Variants in SH3PXD2A observed in about 807,000 individuals in gnomAD.
SH3PXD2A encodes the protein SH3 and PX domain-containing protein 2A.
SH3PXD2A carries 32 observed loss-of-function variants against 115.2 expected under a neutral mutation model. The ratio of observed to expected loss-of-function variants is 0.28; its 90% CI spans 0.21 to 0.37. The LOEUF (loss-of-function observed/expected upper bound fraction) is 0.37, where lower values mean the gene tolerates loss of function less well. Ranked by LOEUF, SH3PXD2A falls within the 10% of genes least tolerant of loss-of-function variation. The probability of loss-of-function intolerance (pLI) is 1.00; values close to 1 mark genes in which losing one functional copy is unlikely to be tolerated. For missense variants in SH3PXD2A, 1,328 were observed against 1,498.7 expected, an observed-to-expected ratio of 0.89 and a Z score of 1.88; for synonymous variants, 610 against 629.1, an observed-to-expected ratio of 0.97 and a Z score of 0.45.
intron 10 of SH3PXD2A, among the ~76,000 whole-genome samples, chr10:103,618,596 T>G (rs961218616): frequency 6.6e-6 from 1 of 152,144 alleles, no homozygotes; most frequent in Non-Finnish European, 1.5e-5. Flanking sequence ...GCGTGGGTGC[T>G]CCCCAGGGGC....
intron 3 of SH3PXD2A, among the ~76,000 whole-genome samples, chr10:103,750,647 G>A (rs1053361732): frequency 6.6e-6 from 1 of 152,150 alleles, no homozygotes; most frequent in Non-Finnish European, 1.5e-5. Flanking sequence ...ACCTGGGGAG[G>A]CTCAGAGAGC....
chr10:103,625,148 C>T (rs566399252), intron 9 of SH3PXD2A, among the ~76,000 whole-genome samples: 12 of 152,360 alleles, frequency 7.9e-5, no homozygotes, highest in African/African-American at 2.2e-4. Flanking sequence ...TTGTTCTGTG[C>T]GCAAAGCACC....
chr10:103,662,259 G>C (rs2037316971), intron 7 of SH3PXD2A, among the ~76,000 whole-genome samples: 1 of 137,984 alleles, frequency 7.2e-6, no homozygotes, highest in Non-Finnish European at 1.5e-5. Context: ...GACAGGCTGG[G>C]TGCCCTTTTA....
chr10:103,785,402 G>A (rs561935154), intron 2 of SH3PXD2A, among the ~76,000 whole-genome samples: 24 of 152,088 alleles, frequency 1.6e-4, no homozygotes, highest in Non-Finnish European at 2.9e-4. Context: ...CCTGCCCTCC[G>A]TGCCCCTAAC....
intron 5 of SH3PXD2A, among the ~76,000 whole-genome samples, chr10:103,719,472 G>A (rs1369448967): frequency 6.6e-6 from 1 of 152,222 alleles, no homozygotes; most frequent in African/African-American, 2.4e-5. Flanking sequence ...TAAGACCATA[G>A]TGAGGGCTGA....
chr10:103,608,430 G>GAAAAAAAA (rs953168200), intron 13 of SH3PXD2A, among the ~76,000 whole-genome samples: 52 of 85,128 alleles, frequency 6.1e-4, no homozygotes, highest in Non-Finnish European at 9.8e-4. Context: ...TCCATGTCAA[G>GAAAAAAAA]AAAAAAAAAA....
chr10:103,813,828 G>A (rs1161099358), intron 1 of SH3PXD2A, among the ~76,000 whole-genome samples: 1 of 152,026 alleles, frequency 6.6e-6, no homozygotes, highest in Non-Finnish European at 1.5e-5. Flanking sequence ...AACCCTGGCT[G>A]TACATTACAA....
chr10:103,769,917 T>C (rs2038801010), intron 2 of SH3PXD2A, among the ~76,000 whole-genome samples: 1 of 152,224 alleles, frequency 6.6e-6, no homozygotes, highest in Admixed American at 6.5e-5. Flanking sequence ...TTAGGACTCC[T>C]ATTTTCTCCT....
At position 103,701,189 on chromosome 10, in the gene SH3PXD2A, A is replaced by G. The variant is rs1179545848; in HGVS notation, c.399-8133T>C. 3.8e-4 allele frequency among the ~76,000 whole-genome samples: 55 copies of G among 144,336 alleles called. 3 individuals are homozygous for G. The highest frequency in any genetic ancestry group is 1.4e-3 in the African/African-American group (52 of 37,578). The allele number at this position is 144,336 out of a possible 152,430, so 94.7% of individuals were successfully genotyped here. On this transcript the variant is annotated intron_variant, in intron 5 of 14. Transcript: ENST00000369774. ...CCATCCATCCATCCACCATCCATCCATCCATCCATCATCCATTTACCATCT... is the reference window on the plus strand; with the variant it reads ...CCATCCATCCATCCACCATCCATCCGTCCATCCATCATCCATTTACCATCT...
chr10:103,723,922 G>A (rs953593513), intron 5 of SH3PXD2A, among the ~76,000 whole-genome samples: 1 of 152,170 alleles, frequency 6.6e-6, no homozygotes, highest in Non-Finnish European at 1.5e-5. Context: ...AGCAAGGACT[G>A]TGCTAGCCCT....
chr10:103,823,435 G>A (rs2039400297), intron 1 of SH3PXD2A, among the ~76,000 whole-genome samples: 2 of 152,170 alleles, frequency 1.3e-5, no homozygotes, highest in African/African-American at 2.4e-5. Context: ...CATTATTCTG[G>A]CTGGCCTCAT....
intron 8 of SH3PXD2A, among the ~76,000 whole-genome samples, chr10:103,655,171 T>A (rs913377440): frequency 1.3e-5 from 2 of 152,200 alleles, no homozygotes; most frequent in Non-Finnish European, 2.9e-5. Context: ...GCACAAGGCT[T>A]TCTGATGGCT....
At chr10:103,851,831 C>T (rs1358358569) in intron 1 of SH3PXD2A, among the ~76,000 whole-genome samples, 1 of 152,134 alleles carries the variant, frequency 6.6e-6, no homozygotes, top group African/African-American at 2.4e-5. Context: ...AATAAACAAT[C>T]AGGAAATAAA....
chr10:103,825,630 CA>C (rs1357878260), intron 1 of SH3PXD2A, among the ~76,000 whole-genome samples: 2 of 152,148 alleles, frequency 1.3e-5, no homozygotes, highest in Non-Finnish European at 2.9e-5. Context: ...CATTCCAGGT[CA>C]GAGACAGAGC....
rs370598379 is a variant in SH3PXD2A, at chr10:103,611,598, G to A, written c.1291C>T (p.Arg431Cys). ...ACACATACCAGGCTGGATTCTCTGC[G>A]TGGTGGAGGTCTTGTCCGTAGGTTC... The part of the protein sequence containing the change: ...SPNLRTRPPP[R>C]RESSLGFQLP... The change falls in exon 13 of 15, where the codon CGC becomes TGC. Residue 431 changes from arginine (R) to cysteine (C), a missense_variant. Arg to Cys is a radical substitution (Grantham distance 180, BLOSUM62 -3). Coordinates refer to ENST00000369774, the MANE Select transcript of SH3PXD2A (RefSeq NM_001394015.1). The A allele has an allele frequency of 2.4e-5, 39 of 1,614,060 alleles. No homozygotes were observed. Among genetic ancestry groups the A allele is most frequent in the Admixed American group, 1.2e-4 (7 of 60,032 alleles).
At chr10:103,623,166 T>C (rs1365737027) in intron 9 of SH3PXD2A, among the ~76,000 whole-genome samples, 1 of 152,024 alleles carries the variant, frequency 6.6e-6, no homozygotes, top group Non-Finnish European at 1.5e-5. Flanking sequence ...CACAGCTGGG[T>C]CCCAGGAAGC....
rs1251641633 is a variant in SH3PXD2A, at chr10:103,602,547, A to G, written c.2671T>C (p.Ser891Pro). The change falls in exon 15 of 15, where the codon TCC becomes CCC. Residue 891 changes from serine to proline, a missense_variant. Ser to Pro is a moderately conservative substitution (Grantham distance 74). This residue lies in a region of SH3PXD2A where 574 missense variants were observed against 565.7 expected (regional missense o/e 1.01). Coordinates refer to ENST00000369774, the MANE Select transcript of SH3PXD2A (RefSeq NM_001394015.1). ...TTCTCATCCAGCACCAAATAGTGGG[A>G]AGGGGCCCAGCCCTCCAGCTCCCCA... is the stretch of plus-strand genomic sequence containing the variant. ...RFGELEGWAP[S>P]HYLVLDENEQ... 6.2e-7 allele frequency: 1 copy of G among 1,614,022 alleles called. No homozygotes were observed. The highest frequency in any genetic ancestry group is 1.3e-5 in the African/African-American group (1 of 74,922).
chr10:103,810,847 CACAG>C (rs2039259516), intron 1 of SH3PXD2A, among the ~76,000 whole-genome samples: 1 of 149,630 alleles, frequency 6.7e-6, no homozygotes, highest in East Asian at 2.0e-4. Flanking sequence ...AACACACACA[CACAG>C]ACACACACAT....
intron 1 of SH3PXD2A, among the ~76,000 whole-genome samples, chr10:103,815,896 A>AAAAAAG (rs1038279206): frequency 6.6e-6 from 1 of 152,086 alleles, no homozygotes; most frequent in African/African-American, 2.4e-5. Flanking sequence ...CTCAAAAAAA[A>AAAAAAG]AAAAAGAAAA....
Sources: allele counts gnomAD v4.1 joint callset (sites outside exome capture counted in the v4.1 genomes callset), GRCh38; gene constraint gnomAD v4.1.1; regional missense constraint gnomAD v4.1.1; transcripts MANE v1.5; gene names NCBI Gene and HGNC (gene_info 2026-07-23, HGNC 2026-07-21).